NAALADL2: variants seen among roughly 807,000 people sequenced by gnomAD.
NAALADL2 encodes the protein N-acetylated alpha-linked acidic dipeptidase like 2.
A neutral mutation model predicts 87.2 loss-of-function variants in NAALADL2; 76 were observed. That is an observed-to-expected ratio of 0.87 (90% CI 0.72 to 1.05). The LOEUF is 1.05. Ranked by LOEUF, NAALADL2 falls within the 50% of genes least tolerant of loss-of-function variation. The pLI is 0.00. For synonymous variants in NAALADL2, 354 were observed against 331.0 expected, an observed-to-expected ratio of 1.07 and a Z score of -0.75; for missense variants, 1,089 against 945.8, an observed-to-expected ratio of 1.15 and a Z score of -1.99.
Position 175,649,975 on chromosome 3 carries a change from A to G in NAALADL2, c.1896+22589A>G, listed in dbSNP as rs538217031. Among the ~76,000 whole-genome samples, 97 of 151,106 alleles carry G rather than the reference A, an allele frequency of 6.4e-4. 1 individual carries two copies. Among genetic ancestry groups the G allele is most frequent in the African/African-American group, 2.2e-3 (91 of 41,062 alleles). ...TTTTTAAAAAGTTAAACATAAGCTT[A>G]TCCTATGACCCAACAATTCCACTCC... On this transcript the variant is annotated intron_variant, in intron 11 of 13. Coordinates refer to ENST00000454872, the MANE Select transcript of NAALADL2 (RefSeq NM_207015.3).
At chr3:174,863,607 G>T (rs542968711) in intron 1 of NAALADL2, among the ~76,000 whole-genome samples, 1 of 152,060 alleles carries the variant, frequency 6.6e-6, no homozygotes, top group East Asian at 1.9e-4. Context: ...GGCAGGAGGA[G>T]CCTTAGTGTC....
chr3:175,725,832 A>G (rs941975158), intron 11 of NAALADL2, among the ~76,000 whole-genome samples: 2 of 152,212 alleles, frequency 1.3e-5, no homozygotes, highest in African/African-American at 4.8e-5. Context: ...ATTTATATAA[A>G]GAATTTAGAA....
At chr3:175,675,930 T>C (rs1734709510) in intron 11 of NAALADL2, 2 of 152,232 alleles carry the variant, frequency 1.3e-5, no homozygotes, top group African/African-American at 4.8e-5. Flanking sequence ...TGTAGTGCAC[T>C]ATTGTTTATA....
rs1752098171 is a variant in NAALADL2, at chr3:175,025,383, G to A, written c.44-71407G>A. Reference sequence around the variant, plus strand: ...GAGAATCACCTTTAAAGTCAATCATGTACAATTCCTTTATCTACCATTTTC... The same window carrying A: ...GAGAATCACCTTTAAAGTCAATCATATACAATTCCTTTATCTACCATTTTC... On this transcript the variant is annotated intron_variant, in intron 1 of 13. Coordinates refer to ENST00000454872, the MANE Select transcript of NAALADL2 (RefSeq NM_207015.3). Among the ~76,000 whole-genome samples the A allele has an allele frequency of 2.0e-5, 3 of 152,070 alleles. No homozygotes were observed. In the South Asian group the frequency reaches 6.2e-4, roughly 32 times the overall value.
chr3:174,910,997 G>A (rs779355262), intron 1 of NAALADL2, among the ~76,000 whole-genome samples: 12 of 152,086 alleles, frequency 7.9e-5, no homozygotes, highest in Non-Finnish European at 1.8e-4. Context: ...TTATCTCACG[G>A]TTCTCAGGGG....
chr3:174,847,116 G>C (rs1458834645), intron 3 of NAALADL2, among the ~76,000 whole-genome samples: 1 of 152,164 alleles, frequency 6.6e-6, no homozygotes, highest in African/African-American at 2.4e-5. Context: ...ATCCAGAAGA[G>C]AGAAAATACA....
chr3:175,309,155 T>G (rs1390156330), intron 4 of NAALADL2, among the ~76,000 whole-genome samples: 1 of 152,164 alleles, frequency 6.6e-6, no homozygotes, highest in Non-Finnish European at 1.5e-5. Flanking sequence ...ATTTCCCTGA[T>G]TGGTAAGGAA....
intron 2 of NAALADL2, among the ~76,000 whole-genome samples, chr3:175,137,865 C>T (rs1032458385): frequency 1.3e-5 from 2 of 151,960 alleles, no homozygotes; most frequent in South Asian, 2.1e-4. Flanking sequence ...CTCAGATGAT[C>T]CACCTGCCTC....
chr3:175,780,871 G>T (rs1370323083), intron 13 of NAALADL2, among the ~76,000 whole-genome samples: 1 of 152,104 alleles, frequency 6.6e-6, no homozygotes, highest in Admixed American at 6.5e-5. Context: ...TGTACTTGAA[G>T]GATTAAAATA....
At chr3:175,059,823 GA>G in intron 1 of NAALADL2, 1 of 312,064 alleles carries the variant, frequency 3.2e-6, no homozygotes. Context: ...TTCACTCCTG[GA>G]AGGCTGGCCT....
rs78784018 is a variant in NAALADL2 at position 174,900,300 on chromosome 3, C to T, written c.43+40850C>T. On this transcript the variant is annotated intron_variant, in intron 1 of 13. Coordinates refer to ENST00000454872, the MANE Select transcript of NAALADL2 (RefSeq NM_207015.3). Reference sequence around the variant, plus strand: ...ATGCAATCTCAATTCATGCTTTTACCAAAATAAATTCAGATTTATTAAGGG... The same window carrying T: ...ATGCAATCTCAATTCATGCTTTTACTAAAATAAATTCAGATTTATTAAGGG... Among the ~76,000 whole-genome samples the T allele has an allele frequency of 4.1e-3, 630 of 151,914 alleles. 3 individuals carry two copies. Among genetic ancestry groups the T allele is most frequent in the African/African-American group, 0.015 (610 of 41,514 alleles).
chr3:174,989,478 T>G (rs1457292930), intron 1 of NAALADL2, among the ~76,000 whole-genome samples: 1 of 152,198 alleles, frequency 6.6e-6, no homozygotes, highest in East Asian at 1.9e-4. Flanking sequence ...AATATTGTAA[T>G]GAACAATTAG....
chr3:174,641,959 A>G (rs560876734), intron 2 of NAALADL2, among the ~76,000 whole-genome samples: 2 of 152,136 alleles, frequency 1.3e-5, no homozygotes, highest in African/African-American at 4.8e-5. Context: ...AGGTTTCACC[A>G]TGTTGGCCAG....
intron 1 of NAALADL2, among the ~76,000 whole-genome samples, chr3:174,884,526 T>A (rs909432632): frequency 1.3e-5 from 2 of 152,174 alleles, no homozygotes; most frequent in Non-Finnish European, 2.9e-5. Context: ...CTGTGTGGAA[T>A]ACCATGATCG....
chr3:174,927,144 A>G (rs1048435105), intron 1 of NAALADL2, among the ~76,000 whole-genome samples: 8 of 152,210 alleles, frequency 5.3e-5, no homozygotes, highest in African/African-American at 1.9e-4. Flanking sequence ...GATCAATTCA[A>G]CAAGAAGAGC....
chr3:174,501,977 T>G (rs2108370830), intron 1 of NAALADL2, among the ~76,000 whole-genome samples: 1 of 152,246 alleles, frequency 6.6e-6, no homozygotes, highest in South Asian at 2.1e-4. Flanking sequence ...AGTAGTTTAT[T>G]ATAGTTTTGA....
At chr3:174,494,479 T>TG (rs1718394970) in intron 1 of NAALADL2, among the ~76,000 whole-genome samples, 1 of 81,806 alleles carries the variant, frequency 1.2e-5, no homozygotes, top group Admixed American at 1.1e-4. Context: ...TGTCCTGGGG[T>TG]GGGGGGAGGG....
intron 10 of NAALADL2, among the ~76,000 whole-genome samples, chr3:175,614,303 G>A (rs1340571508): frequency 3.3e-5 from 5 of 152,244 alleles, no homozygotes; most frequent in African/African-American, 7.2e-5. Context: ...TGCCCGCCTC[G>A]GCCTCCCAAA....
At chr3:174,643,883 C>T (rs1723511002) in intron 2 of NAALADL2, among the ~76,000 whole-genome samples, 1 of 152,092 alleles carries the variant, frequency 6.6e-6, no homozygotes, top group African/African-American at 2.4e-5. Context: ...ATAAAAAATA[C>T]ATGGAAGGAA....
Sources: allele counts gnomAD v4.1 joint callset (sites outside exome capture counted in the v4.1 genomes callset), GRCh38; gene constraint gnomAD v4.1.1; transcripts MANE v1.5; gene names NCBI Gene and HGNC (gene_info 2026-07-23, HGNC 2026-07-21).